ANGPT2: variants seen among roughly 807,000 people sequenced by gnomAD.
ANGPT2 encodes the protein angiopoietin 2, also known as angiopoietin-2.
Under a neutral mutation model 62.9 loss-of-function variants are expected in ANGPT2, and 28 were observed. The observed-to-expected ratio is 0.44, with a 90% CI of 0.33 to 0.61. ANGPT2 has a LOEUF of 0.61. ANGPT2 is among the 20% of genes least tolerant of loss of function. The probability of loss-of-function intolerance (pLI) is 0.03; values close to 1 mark genes in which losing one functional copy is unlikely to be tolerated. For synonymous variants in ANGPT2, 284 were observed against 207.8 expected (o/e 1.37, Z -3.15); for missense variants, 727 against 594.9 (o/e 1.22, Z -2.31).
At chr8:6,514,959 G>T (rs1194367038) in intron 5 of ANGPT2, among the ~76,000 whole-genome samples, 181 bp from the exon 6 acceptor site, 4 of 152,180 alleles carry the variant, frequency 2.6e-5, no homozygotes, top group Admixed American at 1.3e-4. Flanking sequence ...TAAATTGAAA[G>T]TGATGGATTA....
At chr8:6,556,904 C>G (rs1348798436) in intron 1 of ANGPT2, among the ~76,000 whole-genome samples, 1 of 152,118 alleles carries the variant, frequency 6.6e-6, no homozygotes, top group Non-Finnish European at 1.5e-5. Context: ...CATTTTCTTC[C>G]CCCTCTGACT....
chr8:6,544,402 G>C (rs1392023652), intron 1 of ANGPT2, among the ~76,000 whole-genome samples: 1 of 152,124 alleles, frequency 6.6e-6, no homozygotes, highest in African/African-American at 2.4e-5. Context: ...TATGACTTTG[G>C]GCAAATCACT....
chr8:6,520,289 ATAAAT>A (rs1817064355), intron 4 of ANGPT2, among the ~76,000 whole-genome samples: 1 of 152,224 alleles, frequency 6.6e-6, no homozygotes, highest in African/African-American at 2.4e-5. Flanking sequence ...TCACAATCAC[ATAAAT>A]TAAATTATTA....
At chr8:6,508,538 A>C in intron 8 of ANGPT2, 1 of 283,188 alleles carries the variant, frequency 3.5e-6, no homozygotes, top group Non-Finnish European at 6.4e-6. Context: ...TATTAGTTGG[A>C]AATATTTCTA....
chr8:6,511,423 A>C (rs1815071093), intron 7 of ANGPT2, among the ~76,000 whole-genome samples: 1 of 152,180 alleles, frequency 6.6e-6, no homozygotes, highest in South Asian at 2.1e-4. Context: ...AAAGTGATGA[A>C]TTTTTAAGAT....
chr8:6,549,579 G>A (rs1823244765), intron 1 of ANGPT2, among the ~76,000 whole-genome samples: 1 of 151,986 alleles, frequency 6.6e-6, no homozygotes, highest in Non-Finnish European at 1.5e-5. Flanking sequence ...CCGCGTGCAG[G>A]GCGGGAAGCC....
chr8:6,523,161 C>G (rs372829942), intron 3 of ANGPT2, among the ~76,000 whole-genome samples: 12 of 152,152 alleles, frequency 7.9e-5, no homozygotes, highest in African/African-American at 2.9e-4. Context: ...CCATGTCAGG[C>G]TAACTTTTTG....
intron 3 of ANGPT2, among the ~76,000 whole-genome samples, chr8:6,522,436 T>C (rs1323784886): frequency 6.6e-6 from 1 of 151,922 alleles, no homozygotes; most frequent in Admixed American, 6.6e-5. Flanking sequence ...TTAACGTTAA[T>C]ATAGACATTA....
intron 1 of ANGPT2, among the ~76,000 whole-genome samples, chr8:6,550,693 T>A (rs1383780762): frequency 6.6e-6 from 1 of 152,198 alleles, no homozygotes; most frequent in East Asian, 1.9e-4. Flanking sequence ...AAAATCTGTT[T>A]TATTGTAAGA....
chr8:6,561,099 G>A (rs1379833905), intron 1 of ANGPT2, among the ~76,000 whole-genome samples: 1 of 152,196 alleles, frequency 6.6e-6, no homozygotes, highest in Non-Finnish European at 1.5e-5. Flanking sequence ...GATATAGTTT[G>A]CCTTCCACAT....
intron 1 of ANGPT2, among the ~76,000 whole-genome samples, chr8:6,556,871 G>A (rs1360828165): frequency 1.3e-5 from 2 of 152,114 alleles, no homozygotes; most frequent in Non-Finnish European, 2.9e-5. Flanking sequence ...TTACAGGTGT[G>A]AGGCACTGTG....
chr8:6,549,625 G>C (rs746058989), intron 1 of ANGPT2, among the ~76,000 whole-genome samples: 2 of 151,858 alleles, frequency 1.3e-5, no homozygotes, highest in Non-Finnish European at 2.9e-5. Context: ...TTACACAGGT[G>C]CGCACAGATA....
intron 1 of ANGPT2, among the ~76,000 whole-genome samples, chr8:6,535,152 G>C (rs933103504): frequency 6.6e-6 from 1 of 152,114 alleles, no homozygotes; most frequent in Non-Finnish European, 1.5e-5. Context: ...CAGTACTTAA[G>C]AGCTAAATAA....
chr8:6,539,671 C>T (rs748876520), intron 1 of ANGPT2, among the ~76,000 whole-genome samples: 182 of 152,308 alleles, frequency 1.2e-3, no homozygotes, highest in Non-Finnish European at 1.8e-3. Flanking sequence ...ACTGCAACCT[C>T]TGCCTCCCTG....
At position 6,508,737 on chromosome 8, in the gene ANGPT2, C is replaced by T. The variant is rs147336625; in HGVS notation, c.1327+195G>A. On this transcript the variant is annotated intron_variant, in intron 8 of 8. Coordinates refer to ENST00000629816, the MANE Select transcript of ANGPT2 (RefSeq NM_001118887.2). ...ACAGTTGGCTTGCTGACAAGTCTAG[C>T]TCCATATCATATTCTCACTTAAAAC... The T allele has an allele frequency of 3.6e-5, 27 of 747,944 alleles. No individual in the cohort carries two copies. The African/African-American group carries it at 4.0e-4, about 11-fold the overall frequency. The allele number at this position is 747,944 out of a possible 1,614,324, so 46.3% of individuals were successfully genotyped here.
chr8:6,532,016 G>A (rs951207410), intron 2 of ANGPT2, among the ~76,000 whole-genome samples: 6 of 152,134 alleles, frequency 3.9e-5, no homozygotes, highest in South Asian at 2.1e-4. Flanking sequence ...AATGATTCCC[G>A]GAGTCCAGAA....
At chr8:6,508,898 C>T (rs2129565827) in intron 8 of ANGPT2, 34 bp downstream of exon 8, 2 of 1,613,800 alleles carry the variant, frequency 1.2e-6, no homozygotes, top group South Asian at 2.2e-5. Context: ...CATTCCTTGC[C>T]AATACAAATA....
chr8:6,513,633 A>C, intron 7 of ANGPT2, 45 bp downstream of exon 7: 1 of 1,570,296 alleles, frequency 6.4e-7, no homozygotes, highest in Admixed American at 1.8e-5. Context: ...GTGCCCGGCC[A>C]CAAATCTTTT....
chr8:6,551,856 C>G (rs921897160), intron 1 of ANGPT2, among the ~76,000 whole-genome samples: 20 of 152,176 alleles, frequency 1.3e-4, no homozygotes, highest in African/African-American at 4.6e-4. Flanking sequence ...AATTTTTACA[C>G]CAACATTTCC....
Sources: gnomAD v4.1 joint callset for allele counts (sites outside exome capture counted in the v4.1 genomes callset) on GRCh38, gnomAD v4.1.1 for gene constraint, MANE v1.5 for transcripts, NCBI Gene and HGNC (gene_info 2026-07-23, HGNC 2026-07-21) for gene names.